MACROD2: variants seen among roughly 807,000 people sequenced by gnomAD.
The protein encoded by MACROD2 is mono-ADP ribosylhydrolase 2, also known as ADP-ribose glycohydrolase MACROD2.
A neutral mutation model predicts 70.4 loss-of-function variants in MACROD2; 36 were observed. The observed-to-expected ratio is 0.51, with a 90% CI of 0.39 to 0.68. MACROD2 has a LOEUF of 0.68. Ranked by LOEUF, MACROD2 falls within the 30% of genes least tolerant of loss-of-function variation. The pLI, the probability that MACROD2 is intolerant of heterozygous loss-of-function variation, is 0.00. For synonymous variants in MACROD2, 172 were observed against 178.8 expected, an observed-to-expected ratio of 0.96 and a Z score of 0.30; for missense variants, 496 against 538.4, an observed-to-expected ratio of 0.92 and a Z score of 0.78.
At chr20:15,279,794 A>G (rs2077426660) in intron 6 of MACROD2, among the ~76,000 whole-genome samples, 1 of 152,184 alleles carries the variant, frequency 6.6e-6, no homozygotes, top group Non-Finnish European at 1.5e-5. Flanking sequence ...GCCAGACCCT[A>G]TGCTAAGGGC....
chr20:14,970,981 C>A (rs1004548074), intron 5 of MACROD2, among the ~76,000 whole-genome samples: 3 of 152,160 alleles, frequency 2.0e-5, no homozygotes, highest in Non-Finnish European at 4.4e-5. Flanking sequence ...ATGAAAGGAA[C>A]ATGGGAACTG....
chr20:14,460,904 A>G (rs1030907461), intron 3 of MACROD2, among the ~76,000 whole-genome samples: 5 of 151,950 alleles, frequency 3.3e-5, no homozygotes, highest in Non-Finnish European at 7.4e-5. Flanking sequence ...TGTCTCTGCC[A>G]GGTTTTGGTA....
rs1268772798 is a variant in MACROD2 at position 15,021,122 on chromosome 20, G to A, written c.419-208818G>A. ...TGTATACACGTGTATGTGTATACAC[G>A]TGTGTATACACATACGTGTGTGTAT... On this transcript the variant is annotated intron_variant, in intron 5 of 17. Transcript: ENST00000684519. Among the ~76,000 whole-genome samples the A allele has an allele frequency of 1.6e-4, 17 of 108,550 alleles. 1 individual carries two copies. The highest frequency in any genetic ancestry group is 7.6e-4 in the African/African-American group (15 of 19,768). 71.2% of individuals were successfully genotyped at this position (108,550 alleles called of 152,430 possible).
At chr20:15,208,367 A>T (rs1035492812) in intron 5 of MACROD2, among the ~76,000 whole-genome samples, 4 of 152,130 alleles carry the variant, frequency 2.6e-5, no homozygotes, top group African/African-American at 9.7e-5. Flanking sequence ...TTTAAAAATG[A>T]TGGTTCCTTT....
intron 5 of MACROD2, among the ~76,000 whole-genome samples, chr20:15,078,511 T>TA (rs2075677427): frequency 1.3e-5 from 2 of 152,328 alleles, no homozygotes; most frequent in Non-Finnish European, 2.9e-5. Context: ...TTTTATTTTT[T>TA]ACTCTTCAAA....
rs1325791622 is a variant in MACROD2, at chr20:15,332,426, GA to G, written c.541-98978del. On this transcript the variant is annotated intron_variant, in intron 6 of 17. Transcript: ENST00000684519. Reference sequence around the variant, plus strand: ...AATTTTTCCTAAAGTATGAAATAGGGATCTAAATTTGGGCCTCACAGGCCAG... The same window carrying G: ...AATTTTTCCTAAAGTATGAAATAGGGTCTAAATTTGGGCCTCACAGGCCAG... 1.3e-5 allele frequency among the ~76,000 whole-genome samples: 2 copies of G among 151,512 alleles called. 1 individual carries two copies. Among genetic ancestry groups the G allele is most frequent in the African/African-American group, 4.9e-5 (2 of 40,930 alleles).
intron 6 of MACROD2, among the ~76,000 whole-genome samples, chr20:15,247,702 A>ATT (rs529924188): frequency 2.7e-5 from 4 of 146,142 alleles, no homozygotes; most frequent in African/African-American, 1.0e-4. Context: ...GCTTTGACAG[A>ATT]TTTTTTTTTT....
At chr20:14,862,007 A>ATATATATATATTTATATATATATT (rs1568838677) in intron 5 of MACROD2, among the ~76,000 whole-genome samples, 1 of 23,094 alleles carries the variant, frequency 4.3e-5, no homozygotes, top group Admixed American at 7.1e-4. Flanking sequence ...ATATATATTT[A>ATATATATATATTTATATATATATT]TATATATATA....
intron 5 of MACROD2, among the ~76,000 whole-genome samples, chr20:14,922,818 A>G (rs1303686839): frequency 6.6e-6 from 1 of 152,150 alleles, no homozygotes; most frequent in East Asian, 1.9e-4. Flanking sequence ...CCTTTTATTG[A>G]GTAATTTCCT....
At chr20:15,756,598 T>TG in intron 8 of MACROD2, among the ~76,000 whole-genome samples, 1 of 152,180 alleles carries the variant, frequency 6.6e-6, no homozygotes. Flanking sequence ...CGTCATAAAA[T>TG]GGGGGTGGGT....
chr20:14,819,654 A>G (rs2072817313), intron 5 of MACROD2, among the ~76,000 whole-genome samples: 1 of 152,092 alleles, frequency 6.6e-6, no homozygotes, highest in South Asian at 2.1e-4. Flanking sequence ...AGAAGACCTC[A>G]TTGATTTTAG....
chr20:15,846,911 TTATATATATATATATATATATATATA>T (rs33993940), intron 8 of MACROD2, among the ~76,000 whole-genome samples: 1 of 138,104 alleles, frequency 7.2e-6, no homozygotes, highest in East Asian at 2.4e-4. Context: ...AAAAAAAAAA[TTATATATATATATATATATATATATA>T]TATATATATA....
At chr20:14,987,102 C>T (rs982166667) in intron 5 of MACROD2, among the ~76,000 whole-genome samples, 3 of 152,028 alleles carry the variant, frequency 2.0e-5, no homozygotes, top group African/African-American at 7.2e-5. Flanking sequence ...ATTTAAATGC[C>T]ATAGGAAAAA....
chr20:15,876,111 A>ATATATATATATATATATATG (rs1555789655), intron 9 of MACROD2, among the ~76,000 whole-genome samples: 125 of 138,798 alleles, frequency 9.0e-4, no homozygotes, highest in African/African-American at 3.3e-3. Flanking sequence ...ATATATATAT[A>ATATATATATATATATATATG]TGTGTGTATT....
chr20:15,925,095 G>T (rs1457395565), intron 10 of MACROD2, among the ~76,000 whole-genome samples: 1 of 152,170 alleles, frequency 6.6e-6, no homozygotes, highest in African/African-American at 2.4e-5. Context: ...TGGACACCAG[G>T]TTATGTGCAT....
intron 8 of MACROD2, among the ~76,000 whole-genome samples, chr20:15,544,828 G>C (rs1449364579): frequency 6.6e-6 from 1 of 152,122 alleles, no homozygotes; most frequent in Non-Finnish European, 1.5e-5. Flanking sequence ...AATATATCTT[G>C]CTTTTACCCT....
chr20:15,049,935 G>A lies in MACROD2; in HGVS notation c.419-180005G>A, dbSNP rs147559649. On this transcript the variant is annotated intron_variant, in intron 5 of 17. Coordinates refer to ENST00000684519, the MANE Select transcript of MACROD2 (RefSeq NM_001351661.2). ...TGCACTCCAGCCTGGATGACAGAGT[G>A]AGACTCTGTCTCAGGAAAAAAAAAA... is the stretch of plus-strand genomic sequence containing the variant. 7.8e-3 allele frequency among the ~76,000 whole-genome samples: 1,166 copies of A among 150,100 alleles called. 15 individuals are homozygous for A. The highest frequency in any genetic ancestry group is 0.027 in the African/African-American group (1,085 of 40,686).
At chr20:15,582,760 C>G (rs1286965023) in intron 8 of MACROD2, among the ~76,000 whole-genome samples, 1 of 152,200 alleles carries the variant, frequency 6.6e-6, no homozygotes. Flanking sequence ...CCTGCAAACC[C>G]TGAGACATCA....
At chr20:14,466,118 C>T (rs894760142) in intron 3 of MACROD2, among the ~76,000 whole-genome samples, 3 of 152,222 alleles carry the variant, frequency 2.0e-5, no homozygotes, top group South Asian at 4.1e-4. Flanking sequence ...GGATAATATC[C>T]TGCAGAGTGT....
Sources: allele counts gnomAD v4.1 joint callset (sites outside exome capture counted in the v4.1 genomes callset), GRCh38; gene constraint gnomAD v4.1.1; transcripts MANE v1.5; gene names NCBI Gene and HGNC (gene_info 2026-07-23, HGNC 2026-07-21).